Variants in GRK4 observed in about 807,000 individuals in gnomAD.
The protein encoded by GRK4 is G protein-coupled receptor kinase 4, also known as G protein-coupled receptor kinase 2-like.
GRK4 carries 73 observed loss-of-function variants against 77.9 expected under a neutral mutation model. The observed-to-expected ratio is 0.94, with a 90% CI of 0.78 to 1.14. GRK4 has a LOEUF of 1.14. Among genes scored for constraint, GRK4 ranks in the 50% most tolerant of loss-of-function variants. The probability of loss-of-function intolerance (pLI) is 0.00; values close to 1 mark genes in which losing one functional copy is unlikely to be tolerated. For synonymous variants in GRK4, 257 were observed against 254.4 expected (o/e 1.01, Z -0.10); for missense variants, 729 against 700.2 (o/e 1.04, Z -0.46).
chr4:2,987,235 C>T, intron 2 of GRK4: 1 of 438,644 alleles, frequency 2.3e-6, no homozygotes, highest in Non-Finnish European at 4.5e-6. Context: ...TTGTGACAGG[C>T]TTTTTTTACG....
chr4:3,014,609 C>A (rs1733925134), intron 8 of GRK4, among the ~76,000 whole-genome samples: 1 of 152,024 alleles, frequency 6.6e-6, no homozygotes, highest in Admixed American at 6.5e-5. Flanking sequence ...GCCTGACCAA[C>A]ATGGTGAAAT....
At chr4:3,000,717 A>G (rs1481530415) in intron 4 of GRK4, among the ~76,000 whole-genome samples, 3 of 151,798 alleles carry the variant, frequency 2.0e-5, no homozygotes, top group Non-Finnish European at 4.4e-5. Context: ...GGCACGTGCC[A>G]TTATGCCCAG....
At chr4:2,967,936 A>C (rs1718284266) in intron 1 of GRK4, among the ~76,000 whole-genome samples, 1 of 151,934 alleles carries the variant, frequency 6.6e-6, no homozygotes, top group Admixed American at 6.6e-5. Flanking sequence ...GATTACAGGC[A>C]TGCACCATTA....
intron 10 of GRK4, among the ~76,000 whole-genome samples, chr4:3,022,694 C>T (rs933726025): frequency 1.3e-5 from 2 of 152,016 alleles, no homozygotes; most frequent in African/African-American, 4.8e-5. Flanking sequence ...GTTTTAGAAG[C>T]CTTTTTTTTT....
chr4:2,989,180 C>CA (rs898237767), intron 3 of GRK4, among the ~76,000 whole-genome samples: 17 of 149,684 alleles, frequency 1.1e-4, no homozygotes, highest in South Asian at 8.5e-4. Context: ...GACTCCGTCT[C>CA]AAAAAAAAAG....
intron 4 of GRK4, among the ~76,000 whole-genome samples, chr4:2,997,360 A>G (rs1169678871): frequency 6.6e-6 from 1 of 152,234 alleles, no homozygotes; most frequent in Admixed American, 6.5e-5. Context: ...TAGAAAAAGT[A>G]TTTGATAAAA....
intron 7 of GRK4, among the ~76,000 whole-genome samples, chr4:3,010,066 T>C (rs2109880372): frequency 6.6e-6 from 1 of 152,318 alleles, no homozygotes; most frequent in Middle Eastern, 3.4e-3. Flanking sequence ...CAAATTCACA[T>C]AGTACAGAGT....
intron 15 of GRK4, chr4:3,039,019 C>A (rs901431039): frequency 3.3e-5 from 5 of 153,058 alleles, no homozygotes; most frequent in African/African-American, 1.2e-4. Flanking sequence ...AGTTTGAGAC[C>A]AGCCTGGCCA....
intron 1 of GRK4, among the ~76,000 whole-genome samples, chr4:2,967,344 G>T (rs17778731): frequency 0.11 from 17,288 of 152,260 alleles, 1,258 homozygotes; most frequent in Middle Eastern, 0.16. Context: ...GTGTTTGTGT[G>T]TCACTCTGCC....
At chr4:3,037,861 G>A (rs1488492441) in intron 14 of GRK4, among the ~76,000 whole-genome samples, 2 of 151,456 alleles carry the variant, frequency 1.3e-5, no homozygotes, top group Non-Finnish European at 2.9e-5. Flanking sequence ...GTTGCAGTGA[G>A]CTGAGATTGC....
intron 7 of GRK4, among the ~76,000 whole-genome samples, chr4:3,013,317 G>T (rs956819601): frequency 6.6e-6 from 1 of 152,218 alleles, no homozygotes; most frequent in Non-Finnish European, 1.5e-5. Flanking sequence ...CTCCCAAAGT[G>T]CTGGGATTGT....
chr4:3,009,721 G>A lies in GRK4; in HGVS notation c.600+10G>A, dbSNP rs192709874. The A allele has an allele frequency of 3.1e-6, 5 of 1,609,890 alleles. No homozygotes were observed. The highest frequency in any genetic ancestry group is 2.7e-5 in the African/African-American group (2 of 74,958). ...AGGCGGATTTGGAGAGGTGAGTAACGGGAGCCAGTTCATAGCAGCGCTGCT... is the reference window on the plus strand; with the variant it reads ...AGGCGGATTTGGAGAGGTGAGTAACAGGAGCCAGTTCATAGCAGCGCTGCT... On this transcript the variant is annotated intron_variant, in intron 7 of 15. Transcript: ENST00000398052.
intron 14 of GRK4, among the ~76,000 whole-genome samples, chr4:3,037,747 T>G (rs913676174): frequency 3.9e-5 from 6 of 152,016 alleles, no homozygotes; most frequent in African/African-American, 1.5e-4. Context: ...AAACCCTGTC[T>G]CTACTAAAAG....
intron 8 of GRK4, among the ~76,000 whole-genome samples, chr4:3,017,076 C>T (rs997524318): frequency 6.6e-6 from 1 of 152,224 alleles, no homozygotes; most frequent in African/African-American, 2.4e-5. Context: ...CTGTTCTCCA[C>T]GGAGCAGTGC....
chr4:3,037,380 G>GCC lies in GRK4; in HGVS notation c.1415_1416dup (p.Val473ProfsTer16). 6.3e-7 allele frequency: 1 copy of GCC among 1,599,602 alleles called. No homozygotes were observed. The highest frequency in any genetic ancestry group is 8.6e-7 in the Non-Finnish European group (1 of 1,168,276). On this transcript the variant is annotated frameshift_variant, in exon 14 of 16. Coordinates refer to ENST00000398052, the MANE Select transcript of GRK4 (RefSeq NM_182982.3). LOFTEE classifies it high-confidence loss of function. The stretch of plus-strand genomic sequence containing the variant: ...CCCTGTTCTTGCTACACAGCCTCAT[G>GCC]CCGTTTACTGTAAGGACGTCCTGGA...
intron 4 of GRK4, among the ~76,000 whole-genome samples, chr4:2,996,287 G>T (rs1023789298): frequency 6.6e-6 from 1 of 152,166 alleles, no homozygotes. Context: ...GGGCGCGGTG[G>T]CTCACGCCTG....
chr4:2,981,266 C>T (rs1448948325), intron 1 of GRK4, among the ~76,000 whole-genome samples: 1 of 152,204 alleles, frequency 6.6e-6, no homozygotes, highest in Non-Finnish European at 1.5e-5. Context: ...TGTGCTTCAG[C>T]CTGTTTGTAT....
chr4:2,971,792 C>T (rs745754080), intron 1 of GRK4, among the ~76,000 whole-genome samples: 9 of 152,204 alleles, frequency 5.9e-5, no homozygotes, highest in Admixed American at 2.6e-4. Flanking sequence ...TCTGCTGGCT[C>T]GCTGGCAGTC....
chr4:3,027,198 C>T (rs1737824629), intron 10 of GRK4, among the ~76,000 whole-genome samples: 1 of 152,168 alleles, frequency 6.6e-6, no homozygotes, highest in African/African-American at 2.4e-5. Context: ...TGCCATCACA[C>T]CCAGCTAATT....
Sources: allele counts gnomAD v4.1 joint callset (sites outside exome capture counted in the v4.1 genomes callset), GRCh38; gene constraint gnomAD v4.1.1; transcripts MANE v1.5; gene names NCBI Gene and HGNC (gene_info 2026-07-23, HGNC 2026-07-21).